KDM2A: variants seen among roughly 807,000 people sequenced by gnomAD.
KDM2A encodes the protein lysine-specific demethylase 2A.
KDM2A carries 3 observed loss-of-function variants against 137.3 expected under a neutral mutation model. That is an observed-to-expected ratio of 0.02 (90% CI 0.01 to 0.06). KDM2A has a LOEUF of 0.06. KDM2A is among the 10% of genes least tolerant of loss of function. KDM2A has a pLI of 1.00. For synonymous variants in KDM2A, 512 were observed against 541.5 expected (o/e 0.95, Z 0.76); for missense variants, 738 against 1,510.6 (o/e 0.49, Z 8.48).
intron 10 of KDM2A, among the ~76,000 whole-genome samples, chr11:67,224,127 A>G (rs1487339201): frequency 2.0e-5 from 3 of 152,156 alleles, no homozygotes; most frequent in Non-Finnish European, 4.4e-5. Context: ...TGGCCTGGTG[A>G]AGGTTTTTGA....
intron 2 of KDM2A, among the ~76,000 whole-genome samples, chr11:67,139,991 A>G: frequency 6.6e-6 from 1 of 152,090 alleles, no homozygotes; most frequent in East Asian, 1.9e-4. Flanking sequence ...GGCGTGAGCC[A>G]CCGCACCTGG....
At chr11:67,152,588 A>T (rs1303855850) in intron 2 of KDM2A, among the ~76,000 whole-genome samples, 1 of 151,978 alleles carries the variant, frequency 6.6e-6, no homozygotes, top group Non-Finnish European at 1.5e-5. Context: ...AGCTTCAGTG[A>T]CAGAGTAAGA....
At chr11:67,143,144 C>A (rs1422197994) in intron 2 of KDM2A, 1 of 151,236 alleles carries the variant, frequency 6.6e-6, no homozygotes, top group African/African-American at 2.4e-5. Context: ...GCGTCAGCAT[C>A]CCGAGTTGCT....
intron 2 of KDM2A, among the ~76,000 whole-genome samples, chr11:67,155,100 T>C (rs1489025853): frequency 6.6e-6 from 1 of 152,178 alleles, no homozygotes; most frequent in Non-Finnish European, 1.5e-5. Flanking sequence ...CTGCAACCTC[T>C]GCCTCCCAGG....
At chr11:67,178,432 C>G (rs572155147) in intron 2 of KDM2A, among the ~76,000 whole-genome samples, 1 of 152,148 alleles carries the variant, frequency 6.6e-6, no homozygotes, top group African/African-American at 2.4e-5. Context: ...ATAAAGTGTA[C>G]AATCCAGTGG....
intron 2 of KDM2A, among the ~76,000 whole-genome samples, chr11:67,168,944 C>A (rs1244605543): frequency 7.0e-6 from 1 of 142,854 alleles, no homozygotes; most frequent in African/African-American, 2.6e-5. Flanking sequence ...CAGATTTAAT[C>A]CATGTAGTTT....
At chr11:67,182,687 C>A (rs1484929557) in intron 5 of KDM2A, among the ~76,000 whole-genome samples, 1 of 152,094 alleles carries the variant, frequency 6.6e-6, no homozygotes, top group African/African-American at 2.4e-5. Context: ...CATGTGCCAC[C>A]AGGCCCGGCT....
intron 2 of KDM2A, among the ~76,000 whole-genome samples, chr11:67,148,421 A>G (rs1856305634): frequency 6.6e-6 from 1 of 151,558 alleles, no homozygotes. Flanking sequence ...ACCTAATTCA[A>G]AAAAGAAAGA....
At position 67,228,069 on chromosome 11, in the gene KDM2A, T is replaced by C; in HGVS notation, c.990T>C (p.Tyr330=). The change falls in exon 11 of 21, where the codon TAT becomes TAC. Residue 330 remains tyrosine (Y), a synonymous_variant. Transcript: ENST00000529006. ...ATAAGTTTCGCTATCCATTCTACTA[T>C]GAGATGTGTTGGTATGTGTTGGAGC... The part of the protein sequence containing the change: ...VPNKFRYPFY[Y]EMCWYVLERY... 6.2e-7 allele frequency: 1 copy of C among 1,608,410 alleles called. No homozygotes were observed. The highest frequency in any genetic ancestry group is 1.3e-5 in the African/African-American group (1 of 74,900).
rs150073914 is a variant in KDM2A at position 67,256,396 on chromosome 11, A to T, written c.*1341A>T. 2 of 152,700 alleles carry T rather than the reference A, an allele frequency of 1.3e-5. No homozygotes were observed. Among genetic ancestry groups the T allele is most frequent in the East Asian group, 3.9e-4 (2 of 5,184 alleles). The allele number at this position is 152,700 out of a possible 1,614,324, so 9.5% of individuals were successfully genotyped here. ...GAAAGGTCGGAATTTCTTTTGGGTC[A>T]ATATTTTTAAGTGTGTGAGGAGATG... On this transcript the variant is annotated 3_prime_UTR_variant, in exon 21 of 21. Transcript: ENST00000529006.
rs995415202 is a variant in KDM2A, at chr11:67,257,856, A to T, written c.*2801A>T. On this transcript the variant is annotated 3_prime_UTR_variant, in exon 21 of 21. Transcript: ENST00000529006. ...GTTATTTTGGGCCAGAGAAGGAGGAAGCTAGTTGGACTTTGTTTTGTTTTC... is the reference window on the plus strand; with the variant it reads ...GTTATTTTGGGCCAGAGAAGGAGGATGCTAGTTGGACTTTGTTTTGTTTTC... 6 of 152,214 alleles carry T rather than the reference A, an allele frequency of 3.9e-5. No homozygotes were observed. The highest frequency in any genetic ancestry group is 2.6e-4 in the Admixed American group (4 of 15,288). 9.4% of individuals were successfully genotyped at this position (152,214 alleles called of 1,614,324 possible).
At chr11:67,177,526 G>A (rs941539083) in intron 2 of KDM2A, among the ~76,000 whole-genome samples, 1 of 151,610 alleles carries the variant, frequency 6.6e-6, no homozygotes, top group African/African-American at 2.4e-5. Flanking sequence ...GCAGAGGGTC[G>A]GGGTCATCAG....
intron 6 of KDM2A, among the ~76,000 whole-genome samples, chr11:67,214,028 G>GT (rs1347284414): frequency 6.6e-6 from 1 of 150,392 alleles, no homozygotes; most frequent in South Asian, 2.1e-4. Context: ...ACGCCTGGCT[G>GT]TTTTTTTTAT....
chr11:67,168,885 G>A (rs887026699), intron 2 of KDM2A, among the ~76,000 whole-genome samples: 3 of 150,992 alleles, frequency 2.0e-5, no homozygotes, highest in African/African-American at 7.3e-5. Flanking sequence ...ATTTATTCAA[G>A]TACATATTAA....
intron 10 of KDM2A, among the ~76,000 whole-genome samples, chr11:67,222,308 A>C (rs1858386848): frequency 3.1e-5 from 2 of 63,548 alleles, no homozygotes; most frequent in Admixed American, 1.7e-4. Flanking sequence ...GCATCTGTTT[A>C]ACAAAGCACA....
chr11:67,188,683 C>T (rs529506863), intron 5 of KDM2A, among the ~76,000 whole-genome samples: 1 of 149,202 alleles, frequency 6.7e-6, no homozygotes, highest in South Asian at 2.1e-4. Context: ...CTAAGCTACT[C>T]AGGAAGCTGA....
intron 6 of KDM2A, among the ~76,000 whole-genome samples, chr11:67,210,022 C>T (rs1279312642): frequency 6.6e-6 from 1 of 151,378 alleles, no homozygotes; most frequent in African/African-American, 2.4e-5. Flanking sequence ...ATCACTGTAG[C>T]CTAGCCAACA....
intron 18 of KDM2A, 132 bp from the exon 19 acceptor site, chr11:67,253,321 G>C (rs1464261141): frequency 1.3e-6 from 1 of 771,414 alleles, no homozygotes; most frequent in African/African-American, 1.7e-5. Flanking sequence ...CTTTGAGCTG[G>C]ATGACTAAAA....
chr11:67,201,722 C>T (rs1857628294), intron 5 of KDM2A, among the ~76,000 whole-genome samples: 1 of 132,996 alleles, frequency 7.5e-6, no homozygotes, highest in Non-Finnish European at 1.6e-5. Context: ...GAGCCAAGAT[C>T]ACACCACCCC....
Sources: allele counts gnomAD v4.1 joint callset (sites outside exome capture counted in the v4.1 genomes callset), GRCh38; gene constraint gnomAD v4.1.1; transcripts MANE v1.5; gene names NCBI Gene and HGNC (gene_info 2026-07-23, HGNC 2026-07-21).